CRYBG1: variants seen among roughly 807,000 people sequenced by gnomAD.
CRYBG1 encodes crystallin beta-gamma domain containing 1.
Under a neutral mutation model 189.2 loss-of-function variants are expected in CRYBG1, and 139 were observed. The observed-to-expected ratio is 0.73, with a 90% CI of 0.64 to 0.85. CRYBG1 has a LOEUF of 0.85. CRYBG1 is among the 40% of genes least tolerant of loss of function. CRYBG1 has a pLI of 0.00. For missense variants in CRYBG1, 2,611 were observed against 2,675.8 expected (o/e 0.98, Z 0.53); for synonymous variants, 1,023 against 1,017.1 (o/e 1.01, Z -0.11).
intron 1 of CRYBG1, among the ~76,000 whole-genome samples, chr6:106,423,251 G>T (rs1052152456): frequency 4.5e-4 from 36 of 80,858 alleles, no homozygotes; most frequent in African/African-American, 7.4e-4. Flanking sequence ...GAGTTGGCTG[G>T]TTTTTTTTTT....
At chr6:106,545,060 G>T in intron 13 of CRYBG1, 127 bp downstream of exon 13, 1 of 742,732 alleles carries the variant, frequency 1.3e-6, no homozygotes, top group Non-Finnish European at 2.1e-6. Context: ...CATTAAATCA[G>T]TCATTTAATA....
chr6:106,396,031 C>A (rs1403683157), intron 1 of CRYBG1, among the ~76,000 whole-genome samples: 3 of 152,104 alleles, frequency 2.0e-5, no homozygotes, highest in African/African-American at 7.2e-5. Flanking sequence ...TTCATGATCC[C>A]AGGGCTATGT....
intron 2 of CRYBG1, among the ~76,000 whole-genome samples, chr6:106,462,650 C>G (rs78797520): frequency 0.011 from 1,644 of 152,282 alleles, 28 homozygotes; most frequent in African/African-American, 0.037. Flanking sequence ...GGGCTGGGCT[C>G]ATTTGCAGCA....
intron 2 of CRYBG1, among the ~76,000 whole-genome samples, chr6:106,472,536 CATT>C (rs908286731): frequency 4.0e-5 from 6 of 151,704 alleles, no homozygotes; most frequent in African/African-American, 7.3e-5. Context: ...GATTCATGAT[CATT>C]ATTATTATTA....
intron 1 of CRYBG1, among the ~76,000 whole-genome samples, chr6:106,374,940 G>T (rs1224689518): frequency 6.6e-6 from 1 of 152,110 alleles, no homozygotes; most frequent in Non-Finnish European, 1.5e-5. Flanking sequence ...ACGCCTGAAA[G>T]TTCTGTGTTA....
At chr6:106,427,748 T>C (rs1215456305) in intron 1 of CRYBG1, among the ~76,000 whole-genome samples, 1 of 152,214 alleles carries the variant, frequency 6.6e-6, no homozygotes, top group Non-Finnish European at 1.5e-5. Flanking sequence ...GTTTTCCCCC[T>C]GCTCAAAACC....
intron 13 of CRYBG1, among the ~76,000 whole-genome samples, chr6:106,547,173 C>T (rs928429684): frequency 9.2e-5 from 10 of 108,198 alleles, no homozygotes; most frequent in Non-Finnish European, 1.4e-4. Context: ...AAGGGAGCTA[C>T]GTACACATAC....
intron 1 of CRYBG1, among the ~76,000 whole-genome samples, chr6:106,404,837 G>A (rs901778638): frequency 2.6e-4 from 40 of 152,102 alleles, no homozygotes; most frequent in African/African-American, 8.7e-4. Flanking sequence ...TGTGAGGAAC[G>A]GTGCACTCTG....
At chr6:106,558,283 G>A (rs1582839145) in intron 17 of CRYBG1, among the ~76,000 whole-genome samples, 1 of 150,894 alleles carries the variant, frequency 6.6e-6, no homozygotes, top group African/African-American at 2.4e-5. Context: ...GCCTTCCTAT[G>A]CAATGGAGAA....
At chr6:106,504,948 TAAA>T (rs200318829) in intron 2 of CRYBG1, among the ~76,000 whole-genome samples, 2 of 145,224 alleles carry the variant, frequency 1.4e-5, no homozygotes, top group Non-Finnish European at 3.0e-5. Flanking sequence ...TGGAAGTTAT[TAAA>T]AAAAAAAAAG....
chr6:106,457,723 C>T (rs1019320515), intron 2 of CRYBG1, among the ~76,000 whole-genome samples: 8 of 152,168 alleles, frequency 5.3e-5, no homozygotes, highest in African/African-American at 1.9e-4. Context: ...TCACACCACC[C>T]CACTCTGGAA....
chr6:106,393,721 G>T (rs1292407448), intron 1 of CRYBG1, among the ~76,000 whole-genome samples: 5 of 146,530 alleles, frequency 3.4e-5, no homozygotes, highest in African/African-American at 1.0e-4. Context: ...TGTTGCCTAG[G>T]TTGGAATGCA....
intron 1 of CRYBG1, among the ~76,000 whole-genome samples, chr6:106,380,212 G>A (rs1463879125): frequency 6.6e-6 from 1 of 152,292 alleles, no homozygotes; most frequent in Admixed American, 6.5e-5. Flanking sequence ...TTCTTAAGTG[G>A]AAATTCAGTA....
chr6:106,446,856 AG>A (rs1210766483), intron 1 of CRYBG1, among the ~76,000 whole-genome samples: 3 of 152,234 alleles, frequency 2.0e-5, no homozygotes, highest in Non-Finnish European at 2.9e-5. Context: ...AACTTGGGAA[AG>A]GGAAAACAGT....
chr6:106,567,470 A>G (rs1774924715), intron 21 of CRYBG1, among the ~76,000 whole-genome samples: 1 of 152,198 alleles, frequency 6.6e-6, no homozygotes, highest in Non-Finnish European at 1.5e-5. Flanking sequence ...TAAATTCCCA[A>G]ACCTTTTTCA....
At chr6:106,537,597 T>A (rs532988893) in intron 8 of CRYBG1, among the ~76,000 whole-genome samples, 1 of 152,320 alleles carries the variant, frequency 6.6e-6, no homozygotes, top group Non-Finnish European at 1.5e-5. Context: ...TTTTGAAGCA[T>A]AACATTTGTA....
At chr6:106,396,276 GATTA>G (rs1229611345) in intron 1 of CRYBG1, among the ~76,000 whole-genome samples, 1 of 152,056 alleles carries the variant, frequency 6.6e-6, no homozygotes, top group East Asian at 1.9e-4. Flanking sequence ...ATCAACCACT[GATTA>G]GTCTCCCAGC....
At chr6:106,388,570 C>G (rs1770436178) in intron 1 of CRYBG1, among the ~76,000 whole-genome samples, 1 of 152,140 alleles carries the variant, frequency 6.6e-6, no homozygotes, top group East Asian at 1.9e-4. Flanking sequence ...TCATTTTAAG[C>G]AGGAGCCTCT....
intron 1 of CRYBG1, among the ~76,000 whole-genome samples, chr6:106,404,879 G>A (rs1022299162): frequency 2.6e-5 from 4 of 152,056 alleles, no homozygotes; most frequent in East Asian, 1.9e-4. Flanking sequence ...CACAGTCTTC[G>A]CAACCCACAG....
Sources: allele counts gnomAD v4.1 joint callset (sites outside exome capture counted in the v4.1 genomes callset), GRCh38; gene constraint gnomAD v4.1.1; transcripts MANE v1.5; gene names NCBI Gene and HGNC (gene_info 2026-07-23, HGNC 2026-07-21).